PXDNL: variants seen among roughly 807,000 people sequenced by gnomAD.
PXDNL encodes probable oxidoreductase PXDNL.
PXDNL carries 145 observed loss-of-function variants against 150.8 expected under a neutral mutation model. The ratio of observed to expected loss-of-function variants is 0.96; its 90% confidence interval spans 0.84 to 1.10. The LOEUF (loss-of-function observed/expected upper bound fraction) is 1.10, where lower values mean the gene tolerates loss of function less well. Among genes scored for constraint, PXDNL ranks in the 50% least tolerant of loss-of-function variants. The probability of loss-of-function intolerance (pLI) is 0.00; values close to 1 mark genes in which losing one functional copy is unlikely to be tolerated. For synonymous variants in PXDNL, 757 were observed against 725.7 expected (o/e 1.04, Z -0.69); for missense variants, 2,087 against 1,873.9 (o/e 1.11, Z -2.10).
intron 12 of PXDNL, among the ~76,000 whole-genome samples, chr8:51,437,276 T>C (rs1809429611): frequency 6.6e-6 from 1 of 152,162 alleles, no homozygotes; most frequent in South Asian, 2.1e-4. Flanking sequence ...AGAATTGGTA[T>C]CACTCTTATT....
At chr8:51,639,403 C>T (rs1178827378) in intron 2 of PXDNL, among the ~76,000 whole-genome samples, 2 of 152,056 alleles carry the variant, frequency 1.3e-5, no homozygotes, top group African/African-American at 4.8e-5. Context: ...AAAACATCAA[C>T]GAATCCAGGA....
At chr8:51,497,237 G>A (rs1811072994) in intron 5 of PXDNL, among the ~76,000 whole-genome samples, 1 of 152,138 alleles carries the variant, frequency 6.6e-6, no homozygotes, top group Non-Finnish European at 1.5e-5. Flanking sequence ...GCCATATGTA[G>A]AAAGCTGAAA....
intron 2 of PXDNL, among the ~76,000 whole-genome samples, chr8:51,652,386 C>G (rs1421586248): frequency 6.6e-6 from 1 of 151,016 alleles, no homozygotes; most frequent in Non-Finnish European, 1.5e-5. Context: ...AAATCTCTCT[C>G]TCTCTCTCTC....
chr8:51,371,934 A>G lies in PXDNL; in HGVS notation c.3840T>C (p.Asp1280=). 1 of 1,613,974 alleles carries G rather than the reference A, an allele frequency of 6.2e-7. No homozygotes were observed. Among genetic ancestry groups the G allele is most frequent in the East Asian group, 2.2e-5 (1 of 44,884 alleles). ...TCGGGATCTCGCTGCAGTTCAGGTA[A>G]TCCTGTGGGTATTCTGCCTTTACAA... is the stretch of plus-strand genomic sequence containing the variant. ...DVFVKAEYPQ[D]YLNCSEIPKV... Residue 1280 remains aspartate (D), a synonymous_variant, in exon 19 of 23, where the codon GAT becomes GAC. Coordinates refer to ENST00000356297, the MANE Select transcript of PXDNL (RefSeq NM_144651.5).
At chr8:51,605,763 G>A (rs1297978751) in intron 2 of PXDNL, among the ~76,000 whole-genome samples, 1 of 152,160 alleles carries the variant, frequency 6.6e-6, no homozygotes, top group Non-Finnish European at 1.5e-5. Flanking sequence ...CTGCCCTCAT[G>A]AATGAGTTAA....
At chr8:51,345,993 G>T in intron 19 of PXDNL, 46 bp from the exon 20 acceptor site, 1 of 1,136,056 alleles carries the variant, frequency 8.8e-7, no homozygotes, top group Non-Finnish European at 1.3e-6. Flanking sequence ...GAGATGCGAT[G>T]TCATGATCTC....
At chr8:51,717,407 A>C (rs1167759218) in intron 1 of PXDNL, among the ~76,000 whole-genome samples, 1 of 152,226 alleles carries the variant, frequency 6.6e-6, no homozygotes, top group Non-Finnish European at 1.5e-5. Flanking sequence ...GATGTCTTGC[A>C]AAAGAACTGC....
At chr8:51,637,170 T>C (rs1226754855) in intron 2 of PXDNL, among the ~76,000 whole-genome samples, 1 of 151,958 alleles carries the variant, frequency 6.6e-6, no homozygotes, top group Non-Finnish European at 1.5e-5. Flanking sequence ...AGAAAGGACA[T>C]CCACACCAAA....
At chr8:51,418,321 CTAAT>C (rs1362486419) in intron 14 of PXDNL, among the ~76,000 whole-genome samples, 2 of 152,122 alleles carry the variant, frequency 1.3e-5, no homozygotes, top group Non-Finnish European at 2.9e-5. Flanking sequence ...AGTTTGTAAA[CTAAT>C]TTATACCCTA....
intron 2 of PXDNL, among the ~76,000 whole-genome samples, chr8:51,643,132 G>C (rs563732444): frequency 3.7e-4 from 56 of 152,246 alleles, no homozygotes; most frequent in African/African-American, 1.3e-3. Flanking sequence ...GTAATTTATA[G>C]ATACAATGCC....
intron 17 of PXDNL, among the ~76,000 whole-genome samples, chr8:51,376,880 G>A (rs971324497): frequency 6.6e-6 from 1 of 151,828 alleles, no homozygotes; most frequent in East Asian, 1.9e-4. Flanking sequence ...CACAATGCCC[G>A]GCTAATTTTT....
At chr8:51,658,773 C>T (rs888450880) in intron 1 of PXDNL, among the ~76,000 whole-genome samples, 1 of 152,152 alleles carries the variant, frequency 6.6e-6, no homozygotes, top group Non-Finnish European at 1.5e-5. Context: ...CTTCCCTTTT[C>T]CCTTCCACTA....
chr8:51,457,999 C>T (rs187580809), intron 8 of PXDNL, among the ~76,000 whole-genome samples: 4 of 152,206 alleles, frequency 2.6e-5, no homozygotes, highest in Admixed American at 2.0e-4. Context: ...TATTTGAATG[C>T]CCACTTTTCA....
At chr8:51,450,768 A>G (rs1044026375) in intron 10 of PXDNL, among the ~76,000 whole-genome samples, 2 of 152,112 alleles carry the variant, frequency 1.3e-5, no homozygotes, top group Non-Finnish European at 2.9e-5. Context: ...ACAGCCCACA[A>G]ATCAGCAATC....
intron 2 of PXDNL, among the ~76,000 whole-genome samples, chr8:51,651,535 T>C (rs943155623): frequency 5.3e-5 from 8 of 152,194 alleles, no homozygotes; most frequent in Non-Finnish European, 5.9e-5. Flanking sequence ...CTCAAGGTTC[T>C]TTTCATCTTG....
chr8:51,629,183 T>C (rs1181379787), intron 2 of PXDNL, among the ~76,000 whole-genome samples: 4 of 151,696 alleles, frequency 2.6e-5, no homozygotes, highest in African/African-American at 7.3e-5. Context: ...AGAATATCCA[T>C]AGAGAAATAG....
chr8:51,324,116 C>T (rs7017421), intron 21 of PXDNL, among the ~76,000 whole-genome samples: 51,086 of 151,846 alleles, frequency 0.34, 10,260 homozygotes, highest in African/African-American at 0.56. Context: ...ATTTTTTCTA[C>T]GTTTATCTTG....
At chr8:51,464,973 C>T (rs1438894719) in intron 8 of PXDNL, among the ~76,000 whole-genome samples, 1 of 152,132 alleles carries the variant, frequency 6.6e-6, no homozygotes, top group Non-Finnish European at 1.5e-5. Flanking sequence ...TTTTACCTGA[C>T]ATACAAAGAA....
At chr8:51,525,972 T>C (rs962998720) in intron 4 of PXDNL, among the ~76,000 whole-genome samples, 4 of 152,250 alleles carry the variant, frequency 2.6e-5, no homozygotes, top group Non-Finnish European at 5.9e-5. Flanking sequence ...TGCTCACTCA[T>C]ACGGTTCTTG....
Sources: gnomAD v4.1 joint callset for allele counts (sites outside exome capture counted in the v4.1 genomes callset) on GRCh38, gnomAD v4.1.1 for gene constraint, MANE v1.5 for transcripts, NCBI Gene and HGNC (gene_info 2026-07-23, HGNC 2026-07-21) for gene names.